Variants in CSMD2 observed in about 807,000 individuals in gnomAD.
The protein encoded by CSMD2 is CUB and sushi domain-containing protein 2.
A neutral mutation model predicts 398.5 loss-of-function variants in CSMD2; 130 were observed. The ratio of observed to expected loss-of-function variants is 0.33; its 90% CI spans 0.28 to 0.38. The LOEUF is 0.38. Ranked by LOEUF, CSMD2 falls within the 10% of genes least tolerant of loss-of-function variation. CSMD2 has a pLI of 1.00. For missense variants in CSMD2, 3,829 were observed against 4,764.9 expected, an observed-to-expected ratio of 0.80 and a Z score of 5.78; for synonymous variants, 1,828 against 1,908.5, an observed-to-expected ratio of 0.96 and a Z score of 1.10.
chr1:33,566,914 A>G (rs1213104534), intron 53 of CSMD2, among the ~76,000 whole-genome samples: 2 of 152,304 alleles, frequency 1.3e-5, no homozygotes, highest in East Asian at 3.9e-4. Flanking sequence ...TAGACAACAT[A>G]ATCAATCAGA....
chr1:34,069,853 T>C (rs1473326418), intron 2 of CSMD2, among the ~76,000 whole-genome samples: 1 of 152,194 alleles, frequency 6.6e-6, no homozygotes, highest in Non-Finnish European at 1.5e-5. Flanking sequence ...AGATACCTTA[T>C]TTTTCATTTG....
chr1:34,128,949 C>T (rs2148491505), intron 1 of CSMD2, among the ~76,000 whole-genome samples: 1 of 152,206 alleles, frequency 6.6e-6, no homozygotes, highest in Non-Finnish European at 1.5e-5. Flanking sequence ...CACCTGTGCA[C>T]ACACACATCA....
chr1:33,724,673 A>G lies in CSMD2; in HGVS notation c.2727T>C (p.Asp909=). Reference sequence around the variant, plus strand: ...GCTGTCCATTTACTGGGATTCCTGGATCCAGACAGTGGTCTGACTGCAGTG... The same window carrying G: ...GCTGTCCATTTACTGGGATTCCTGGGTCCAGACAGTGGTCTGACTGCAGTG... ...TITLQSDHCL[D]PGIPVNGQRH... The change falls in exon 18 of 71, where the codon GAT becomes GAC. Residue 909 remains aspartate (D), a synonymous_variant. Transcript: ENST00000373381. 1 of 1,614,134 alleles carries G rather than the reference A, an allele frequency of 6.2e-7. No homozygotes were observed. Among genetic ancestry groups the G allele is most frequent in the South Asian group, 1.1e-5 (1 of 91,068 alleles).
At chr1:33,680,810 T>G (rs1381285649) in intron 25 of CSMD2, among the ~76,000 whole-genome samples, 2 of 152,034 alleles carry the variant, frequency 1.3e-5, no homozygotes, top group African/African-American at 4.8e-5. Context: ...GTGTGAAAAA[T>G]TAACCTTTAT....
chr1:34,062,195 G>A (rs1032836848), intron 2 of CSMD2, among the ~76,000 whole-genome samples: 1 of 152,230 alleles, frequency 6.6e-6, no homozygotes, highest in Non-Finnish European at 1.5e-5. Flanking sequence ...TGGGACCCAG[G>A]TGCTGGCAAT....
chr1:33,809,859 C>T (rs948945809), intron 10 of CSMD2, among the ~76,000 whole-genome samples: 3 of 151,714 alleles, frequency 2.0e-5, no homozygotes, highest in Non-Finnish European at 4.4e-5. Context: ...TTTCTAAACA[C>T]CAGCAAGAAA....
intron 1 of CSMD2, among the ~76,000 whole-genome samples, chr1:34,105,216 C>T (rs1660414331): frequency 6.6e-6 from 1 of 152,182 alleles, no homozygotes; most frequent in Admixed American, 6.5e-5. Context: ...AACCTCAACA[C>T]TATCAACATT....
chr1:33,933,435 C>T (rs780935949), intron 4 of CSMD2, among the ~76,000 whole-genome samples: 34 of 152,190 alleles, frequency 2.2e-4, no homozygotes, highest in Non-Finnish European at 4.3e-4. Context: ...ACATTTGTTT[C>T]TGGTTTTTAT....
intron 1 of CSMD2, among the ~76,000 whole-genome samples, chr1:34,093,779 C>T (rs373456654): frequency 3.9e-5 from 6 of 152,078 alleles, no homozygotes; most frequent in South Asian, 2.1e-4. Flanking sequence ...AATCTACGTC[C>T]GATTGGTGTA....
At chr1:33,621,043 G>T (rs1185388712) in intron 37 of CSMD2, among the ~76,000 whole-genome samples, 1 of 152,098 alleles carries the variant, frequency 6.6e-6, no homozygotes, top group Admixed American at 6.5e-5. Context: ...ATGCCTTCCT[G>T]CATTTTTCAC....
intron 1 of CSMD2, among the ~76,000 whole-genome samples, chr1:34,098,534 C>T (rs1337956889): frequency 2.0e-5 from 3 of 151,658 alleles, no homozygotes; most frequent in Non-Finnish European, 4.4e-5. Context: ...AGATACTAAA[C>T]AGCATCATAA....
At position 34,097,131 on chromosome 1, in the gene CSMD2, T is replaced by C. The variant is rs1316526170; in HGVS notation, c.188-7938A>G. On this transcript the variant is annotated intron_variant, in intron 1 of 70. Transcript: ENST00000373381. ...CGCATATCTACAACTATCTGATCTT[T>C]GACAAACCTGAGAAAAACAAGCAAT... Among the ~76,000 whole-genome samples the C allele has an allele frequency of 8.8e-4, 124 of 141,506 alleles. 1 individual carries two copies. The highest frequency in any genetic ancestry group is 2.9e-3 in the African/African-American group (110 of 37,630). The allele number at this position is 141,506 out of a possible 152,430, so 92.8% of individuals were successfully genotyped here. A position where few individuals can be genotyped will look rare whatever the true frequency, so the allele number is the denominator to read the frequency against.
chr1:33,877,849 G>A (rs961410947), intron 5 of CSMD2, among the ~76,000 whole-genome samples: 2 of 152,134 alleles, frequency 1.3e-5, no homozygotes, highest in African/African-American at 4.8e-5. Context: ...TTTCAGGATT[G>A]CGCTGCTGAA....
chr1:34,038,054 TG>T (rs1251245039), intron 2 of CSMD2, among the ~76,000 whole-genome samples: 1 of 152,124 alleles, frequency 6.6e-6, no homozygotes, highest in East Asian at 1.9e-4. Flanking sequence ...TAGCTAAGGC[TG>T]GGGGAGGGGA....
chr1:33,567,727 T>G lies in CSMD2; in HGVS notation c.8246A>C (p.His2749Pro). 6.2e-7 allele frequency: 1 copy of G among 1,614,180 alleles called. No homozygotes were observed. Among genetic ancestry groups the G allele is most frequent in the South Asian group, 1.1e-5 (1 of 91,070 alleles). Residue 2749 changes from histidine to proline, a missense_variant, in exon 53 of 71, where the codon CAC becomes CCC. Transcript: ENST00000373381. The stretch of plus-strand genomic sequence containing the variant: ...GTAGCTGTAGTTCTCCCCATTGATG[T>G]GTCCGTTGACAATGGGCTCAGGAGT... ...CGTPEPIVNG[H>P]INGENYSYRG... is the part of the protein sequence containing the mutation.
intron 13 of CSMD2, among the ~76,000 whole-genome samples, chr1:33,744,103 T>C (rs1434592859): frequency 6.6e-6 from 1 of 152,212 alleles, no homozygotes; most frequent in Non-Finnish European, 1.5e-5. Context: ...TGTGAAACAC[T>C]GCGTCTTCGT....
At chr1:33,521,624 C>A in intron 67 of CSMD2, 74 bp from the exon 68 acceptor site, 2 of 958,826 alleles carry the variant, frequency 2.1e-6, no homozygotes, top group South Asian at 1.3e-5. Flanking sequence ...TCATCATACA[C>A]GCTGCCCAGC....
intron 12 of CSMD2, among the ~76,000 whole-genome samples, chr1:33,778,058 C>T (rs1054207491): frequency 6.6e-6 from 1 of 152,184 alleles, no homozygotes; most frequent in Non-Finnish European, 1.5e-5. Context: ...AGCTTCCTCT[C>T]CTCTTCCTTT....
chr1:33,747,981 C>T (rs1191838568), intron 13 of CSMD2, among the ~76,000 whole-genome samples: 2 of 152,130 alleles, frequency 1.3e-5, no homozygotes, highest in African/African-American at 4.8e-5. Context: ...TATATTACAC[C>T]TGACTCTTGG....
Sources: allele counts gnomAD v4.1 joint callset (sites outside exome capture counted in the v4.1 genomes callset), GRCh38; gene constraint gnomAD v4.1.1; transcripts MANE v1.5; gene names NCBI Gene and HGNC (gene_info 2026-07-23, HGNC 2026-07-21).